PRKDC: variants seen among roughly 807,000 people sequenced by gnomAD.
PRKDC encodes the protein DNA-dependent protein kinase catalytic subunit.
PRKDC carries 82 observed loss-of-function variants against 486.9 expected under a neutral mutation model. The ratio of observed to expected loss-of-function variants is 0.17; its 90% CI spans 0.14 to 0.20. PRKDC has a LOEUF of 0.20. PRKDC is among the 10% of genes least tolerant of loss of function. The pLI is 1.00. For synonymous variants in PRKDC, 1,895 were observed against 1,837.0 expected, an observed-to-expected ratio of 1.03 and a Z score of -0.81; for missense variants, 4,504 against 5,038.2, an observed-to-expected ratio of 0.89 and a Z score of 3.21.
At chr8:47,774,697 C>T (rs2086573249) in intron 85 of PRKDC, among the ~76,000 whole-genome samples, 1 of 152,080 alleles carries the variant, frequency 6.6e-6, no homozygotes, top group Non-Finnish European at 1.5e-5. Flanking sequence ...GCAGCTGCAC[C>T]TTTTCCCACT....
chr8:47,927,431 G>T, intron 20 of PRKDC, 78 bp from the exon 21 acceptor site: 1 of 1,447,206 alleles, frequency 6.9e-7, no homozygotes, highest in Non-Finnish European at 9.4e-7. Context: ...AAGTAATTGT[G>T]ATTTCTAATT....
At chr8:47,825,717 G>C (rs1320603015) in intron 63 of PRKDC, among the ~76,000 whole-genome samples, 1 of 152,106 alleles carries the variant, frequency 6.6e-6, no homozygotes, top group African/African-American at 2.4e-5. Flanking sequence ...CATACAAGGT[G>C]TCACTTCCTG....
At chr8:47,842,038 C>T (rs1432922067) in intron 54 of PRKDC, among the ~76,000 whole-genome samples, 2 of 152,212 alleles carry the variant, frequency 1.3e-5, no homozygotes, top group African/African-American at 4.8e-5. Flanking sequence ...CAGAGACATA[C>T]CCCACAACCC....
chr8:47,862,266 C>T, intron 43 of PRKDC, 107 bp downstream of exon 43: 1 of 1,375,596 alleles, frequency 7.3e-7, no homozygotes, highest in South Asian at 1.4e-5. Context: ...ATTAAACGAA[C>T]CACATCTTTA....
rs8178181 is a variant in PRKDC, at chr8:47,831,639, C to A, written c.8265+175G>T. Among the ~76,000 whole-genome samples the A allele has an allele frequency of 2.6e-5, 4 of 152,268 alleles. No homozygotes were observed. In the East Asian group the frequency reaches 7.8e-4, roughly 30 times the overall value. On this transcript the variant is annotated intron_variant, in intron 60 of 85. Transcript: ENST00000314191. ...GCGCACTCCTGGACCCCCACCAGAG[C>A]GCCATGAGGGCTGCATCCCTGTGGG...
rs762709857 is a variant in PRKDC, at chr8:47,912,504, T to A, written c.2840A>T (p.Gln947Leu). The A allele has an allele frequency of 7.1e-5, 115 of 1,612,734 alleles. No individual in the cohort carries two copies. The highest frequency in any genetic ancestry group is 8.6e-5 in the Non-Finnish European group (101 of 1,179,262). Residue 947 changes from glutamine to leucine, a missense_variant, in exon 25 of 86, where the codon CAG (glutamine) becomes CTG (leucine). By Grantham distance (113) the Gln-to-Leu change is moderately radical. Coordinates refer to ENST00000314191, the MANE Select transcript of PRKDC (RefSeq NM_006904.7). Reference sequence around the variant, plus strand: ...GGCTCCCTGTCCCCCTTCTGGCATCTGCGTGGCTTTGCCCAACATAAACAT... The same window carrying A: ...GGCTCCCTGTCCCCCTTCTGGCATCAGCGTGGCTTTGCCCAACATAAACAT... ...MVMFMLGKAT[Q>L]MPEGGQGAPP...
chr8:47,867,846 TA>T (rs2088853017), intron 40 of PRKDC, among the ~76,000 whole-genome samples: 1 of 152,208 alleles, frequency 6.6e-6, no homozygotes, highest in African/African-American at 2.4e-5. Flanking sequence ...CACTATTACA[TA>T]TTTTGTTGGC....
Position 47,782,355 on chromosome 8 carries a change from G to C in PRKDC, c.11396+23C>G, listed in dbSNP as rs1693865380. 6.2e-7 allele frequency: 1 copy of C among 1,607,726 alleles called. No homozygotes were observed. The highest frequency in any genetic ancestry group is 1.7e-5 in the Admixed American group (1 of 58,848). On this transcript the variant is annotated intron_variant, in intron 79 of 85. Coordinates refer to ENST00000314191, the MANE Select transcript of PRKDC (RefSeq NM_006904.7). This position sits in a 1 kb window ranked among gnomAD's most constrained non-coding sequence, Gnocchi z 4.9. The stretch of plus-strand genomic sequence containing the variant: ...CCAAGCAATATGCAGCAGCCTACTG[G>C]CTGGGAGCAGCCTGGCAGTTACCTG...
intron 52 of PRKDC, among the ~76,000 whole-genome samples, chr8:47,851,374 T>C (rs934470153): frequency 6.6e-6 from 1 of 152,232 alleles, no homozygotes; most frequent in Non-Finnish European, 1.5e-5. Context: ...TAAAAATCTG[T>C]TTATTTACAA....
intron 27 of PRKDC, among the ~76,000 whole-genome samples, chr8:47,901,414 C>T (rs1202340211): frequency 2.0e-5 from 3 of 150,958 alleles, no homozygotes; most frequent in African/African-American, 7.3e-5. Context: ...GCAGAGGTTG[C>T]AGTGAGCCGA....
intron 40 of PRKDC, among the ~76,000 whole-genome samples, chr8:47,872,762 C>T (rs1310155247): frequency 6.6e-6 from 1 of 152,160 alleles, no homozygotes; most frequent in African/African-American, 2.4e-5. Flanking sequence ...ATATATGCAC[C>T]GGTCACTGCA....
At chr8:47,900,860 A>C (rs2089667691) in intron 27 of PRKDC, among the ~76,000 whole-genome samples, 1 of 151,770 alleles carries the variant, frequency 6.6e-6, no homozygotes, top group Non-Finnish European at 1.5e-5. Context: ...AAAAAAAAAA[A>C]AATTGTTTTT....
chr8:47,782,440 G>A lies in PRKDC; in HGVS notation c.11334C>T (p.Asp3778=), dbSNP rs1385967841. The A allele has an allele frequency of 3.1e-6, 5 of 1,597,994 alleles. No homozygotes were observed. Among genetic ancestry groups the A allele is most frequent in the Non-Finnish European group, 4.3e-6 (5 of 1,173,210 alleles). Residue 3778 remains aspartate (D), a synonymous_variant, in exon 79 of 86, where the codon GAC becomes GAT. Transcript: ENST00000314191. The surrounding 1 kb of genome is among the most constrained non-coding windows in gnomAD (Gnocchi z 4.9). The part of the protein sequence containing the change: ...FQVMNGILAQ[D]SACSQRALQL... ...GCAGGGCCCTCTGGCTGCAGGCGGA[G>A]TCTTGGGCCAGGATCCCATTCATGA...
Position 47,840,263 on chromosome 8 carries a change from T to C in PRKDC, c.7281-74A>G, listed in dbSNP as rs1021200241. 5.5e-5 allele frequency: 67 copies of C among 1,221,426 alleles called. No individual in the cohort carries two copies. The Middle Eastern group carries it at 9.3e-4, about 17-fold the overall frequency. 75.7% of individuals were successfully genotyped at this position (1,221,426 alleles called of 1,614,324 possible). ...GCACTTTCAAAGTATGACAGGCAAC[T>C]TTTTCTTCTTTGTTTCAAAATTAGT... On this transcript the variant is annotated intron_variant, in intron 54 of 85. Transcript: ENST00000314191.
chr8:47,830,867 C>T (rs1589726949), intron 60 of PRKDC, 131 bp from the exon 61 acceptor site: 1 of 1,105,272 alleles, frequency 9.0e-7, no homozygotes, highest in South Asian at 1.4e-5. Flanking sequence ...CTCGCAGAGG[C>T]TCAGTCGCCG....
At position 47,930,727 on chromosome 8, in the gene PRKDC, G is replaced by C. The variant is rs761199831; in HGVS notation, c.1837C>G (p.His613Asp). Residue 613 changes from histidine to aspartate, a missense_variant, in exon 17 of 86, where the codon CAT becomes GAT. Physicochemically the swap from His to Asp is moderately conservative, Grantham distance 81 (BLOSUM62 -1). Around this residue, in one of 6 missense-constraint regions of PRKDC, gnomAD observed 1,969 missense variants for 2,068.9 expected, o/e 0.95. Transcript: ENST00000314191. ...IPTSDPAANL[H>D]PAKPKDFSAF... is the part of the protein sequence containing the mutation. ...GAAAAATCTTTAGGTTTAGCTGGAT[G>C]CAAGTTAGCCGCTGGATCTGAAGTT... 6 of 1,592,126 alleles carry C rather than the reference G, an allele frequency of 3.8e-6. No individual in the cohort carries two copies. Among genetic ancestry groups the C allele is most frequent in the Non-Finnish European group, 5.1e-6 (6 of 1,168,900 alleles).
chr8:47,893,375 G>T lies in PRKDC; in HGVS notation c.3611C>A (p.Pro1204His). The change falls in exon 31 of 86, where the codon CCT becomes CAT. Residue 1204 changes from proline (P) to histidine (H), a missense_variant. This residue lies in a region of PRKDC where 1,969 missense variants were observed against 2,068.9 expected (regional missense o/e 0.95). Transcript: ENST00000314191. ...FVPLLPGNRS[P>H]NLWLKDVLKE... ...GAGAACATCTTTCAGCCACAAATTA[G>T]GGGATCTGTTGCCTTTAAAAAGAAA... 1 of 1,531,726 alleles carries T rather than the reference G, an allele frequency of 6.5e-7. No individual in the cohort carries two copies. 94.9% of individuals were successfully genotyped at this position (1,531,726 alleles called of 1,614,324 possible).
At chr8:47,936,105 G>A (rs2090347023) in intron 12 of PRKDC, among the ~76,000 whole-genome samples, 1 of 151,866 alleles carries the variant, frequency 6.6e-6, no homozygotes, top group Non-Finnish European at 1.5e-5. Context: ...GTCTTGAGGT[G>A]CAATTCTATC....
At chr8:47,803,270 C>CT in intron 70 of PRKDC, 36 bp downstream of exon 70, 1 of 1,566,202 alleles carries the variant, frequency 6.4e-7, no homozygotes, top group Non-Finnish European at 8.6e-7. Flanking sequence ...TAACACAGCC[C>CT]TTTAAGATAT....
Sources: allele counts gnomAD v4.1 joint callset (sites outside exome capture counted in the v4.1 genomes callset), GRCh38; gene constraint gnomAD v4.1.1; regional missense constraint gnomAD v4.1.1; non-coding constraint Gnocchi (gnomAD v3.1); transcripts MANE v1.5; gene names NCBI Gene and HGNC (gene_info 2026-07-23, HGNC 2026-07-21).